The following ATP13A5 variants were observed in gnomAD, a reference collection of about 807,000 sequenced individuals.
ATP13A5 encodes the protein probable cation-transporting ATPase 13A5.
ATP13A5 carries 149 observed loss-of-function variants against 150.2 expected under a neutral mutation model. The ratio of observed to expected loss-of-function variants is 0.99; its 90% CI spans 0.87 to 1.14. The LOEUF is 1.14. Ranked by LOEUF, ATP13A5 falls within the 50% of genes most tolerant of loss-of-function variation. The pLI, the probability that ATP13A5 is intolerant of heterozygous loss-of-function variation, is 0.00. For synonymous variants in ATP13A5, 497 were observed against 522.2 expected (o/e 0.95, Z 0.66); for missense variants, 1,383 against 1,449.3 (o/e 0.95, Z 0.74).
chr3:193,282,923 AT>A (rs140299008), intron 27 of ATP13A5, among the ~76,000 whole-genome samples: 1 of 152,210 alleles, frequency 6.6e-6, no homozygotes, highest in African/African-American at 2.4e-5. Context: ...AAATAAATAC[AT>A]TTTTTAAAAT....
At position 193,314,259 on chromosome 3, in the gene ATP13A5, C is replaced by T. The variant is rs976619696; in HGVS notation, c.2159-66G>A. Reference sequence around the variant, plus strand: ...TCCCCTCAGCAACAAGAACTGAGGTCTCCCTTTTCCACTCTGCTTGGTGTT... The same window carrying T: ...TCCCCTCAGCAACAAGAACTGAGGTTTCCCTTTTCCACTCTGCTTGGTGTT... On this transcript the variant is annotated intron_variant, in intron 18 of 29. Transcript: ENST00000342358. The T allele has an allele frequency of 1.2e-5, 18 of 1,512,320 alleles. No homozygotes were observed. In the African/African-American group the frequency reaches 1.7e-4, roughly 14 times the overall value. 93.7% of individuals were successfully genotyped at this position (1,512,320 alleles called of 1,614,324 possible). A position where few individuals can be genotyped will look rare whatever the true frequency, so the allele number is the denominator to read the frequency against.
rs1718380873 is a variant in ATP13A5, at chr3:193,301,126, A to C, written c.2775+85T>G. ...AATGTCATTTGTTTATAAAACATTA[A>C]ATCTTGTATAGGAGCTACACCCTGA... is the stretch of plus-strand genomic sequence containing the variant. On this transcript the variant is annotated intron_variant, in intron 24 of 29. Coordinates refer to ENST00000342358, the MANE Select transcript of ATP13A5 (RefSeq NM_198505.4). 2.7e-6 allele frequency: 3 copies of C among 1,095,310 alleles called. No individual in the cohort carries two copies. The South Asian group carries it at 4.1e-5, about 15-fold the overall frequency. The allele number at this position is 1,095,310 out of a possible 1,614,324, so 67.8% of individuals were successfully genotyped here. A position where few individuals can be genotyped will look rare whatever the true frequency, so the allele number is the denominator to read the frequency against.
chr3:193,350,964 CTT>C, intron 7 of ATP13A5, 101 bp downstream of exon 7: 3 of 1,374,104 alleles, frequency 2.2e-6, no homozygotes, highest in Non-Finnish European at 3.0e-6. Context: ...TGTTTTATGA[CTT>C]ATGGTTGACA....
At chr3:193,367,104 T>C (rs28869511) in intron 1 of ATP13A5, among the ~76,000 whole-genome samples, 229 of 151,954 alleles carry the variant, frequency 1.5e-3, no homozygotes, top group African/African-American at 5.3e-3. Flanking sequence ...GAGAAAAAGT[T>C]TTGAAATCAA....
chr3:193,352,157 A>T (rs956290783), intron 6 of ATP13A5, among the ~76,000 whole-genome samples: 8 of 152,254 alleles, frequency 5.3e-5, no homozygotes, highest in African/African-American at 1.9e-4. Context: ...ATTCTAATTT[A>T]GTCTTAAAAG....
intron 5 of ATP13A5, among the ~76,000 whole-genome samples, chr3:193,359,816 TGTGGTGGTG>T (rs1338546782): frequency 2.6e-5 from 4 of 151,752 alleles, no homozygotes; most frequent in Non-Finnish European, 5.9e-5. Flanking sequence ...TGTGTGTGTG[TGTGGTGGTG>T]GTGGTGGTGG....
At chr3:193,318,840 A>G (rs1719149988) in intron 17 of ATP13A5, 151 bp downstream of exon 17, 1 of 612,982 alleles carries the variant, frequency 1.6e-6, no homozygotes, top group Non-Finnish European at 2.9e-6. Context: ...ATCACCTACA[A>G]TTATCCATCT....
chr3:193,373,538 A>G (rs564009780), intron 1 of ATP13A5, among the ~76,000 whole-genome samples: 1 of 11,554 alleles, frequency 8.7e-5, no homozygotes, highest in South Asian at 2.6e-3. Flanking sequence ...TTAACCAGAA[A>G]AAAGAGAACA....
intron 5 of ATP13A5, among the ~76,000 whole-genome samples, chr3:193,360,049 T>C (rs893060046): frequency 1.4e-4 from 21 of 152,362 alleles, no homozygotes; most frequent in African/African-American, 4.8e-4. Flanking sequence ...TATTTTTCCC[T>C]TATGGGCTCA....
intron 29 of ATP13A5, 21 bp downstream of exon 29, chr3:193,276,729 A>G: frequency 6.5e-7 from 1 of 1,538,444 alleles, no homozygotes; most frequent in South Asian, 1.2e-5. Flanking sequence ...CTTCCTAGAA[A>G]AAATATAGAG....
rs759236688 is a variant in ATP13A5, at chr3:193,275,128, C to G, written c.3571G>C (p.Gly1191Arg). ...DGKNGFYING[G>R]YESHEQIPKR... ...GGAATCTGTTCATGGCTTTCATAGCCTCCGTTGATGTAGAATCCATTTTTG... is the reference window on the plus strand; with the variant it reads ...GGAATCTGTTCATGGCTTTCATAGCGTCCGTTGATGTAGAATCCATTTTTG... The change falls in exon 30 of 30, where the codon GGC (glycine) becomes CGC (arginine). Residue 1191 changes from glycine to arginine, a missense_variant. Physicochemically the swap from Gly to Arg is moderately radical, Grantham distance 125. Transcript: ENST00000342358. The G allele has an allele frequency of 1.2e-5, 20 of 1,614,082 alleles. No individual in the cohort carries two copies. The highest frequency in any genetic ancestry group is 1.5e-5 in the Non-Finnish European group (18 of 1,180,042).
chr3:193,280,671 C>T (rs937443818), intron 27 of ATP13A5, among the ~76,000 whole-genome samples: 1 of 152,164 alleles, frequency 6.6e-6, no homozygotes, highest in African/African-American at 2.4e-5. Flanking sequence ...CTCACCCACT[C>T]CTCTGTCAGA....
chr3:193,291,376 A>G (rs1560116644), intron 25 of ATP13A5, among the ~76,000 whole-genome samples: 1 of 152,262 alleles, frequency 6.6e-6, no homozygotes, highest in East Asian at 1.9e-4. Context: ...TGTGTAATAA[A>G]GAAGCTGGCT....
chr3:193,276,805 CT>C lies in ATP13A5; in HGVS notation c.3340del (p.Arg1114GlyfsTer3), dbSNP rs756713330. ...MELIPTITSWRVLILVVALTQ... is the reference protein window; with the variant it reads ...MELIPTITSWXVLILVVALTQ... ...GAGGGCTACCACCAAAATTAAAACCCTCCACGATGTTATGGTTGGGATCAAC... is the reference window on the plus strand; with the variant it reads ...GAGGGCTACCACCAAAATTAAAACCCCCACGATGTTATGGTTGGGATCAAC... On this transcript the variant is annotated frameshift_variant, in exon 29 of 30. Transcript: ENST00000342358. LOFTEE classifies it high-confidence loss of function. 1.9e-6 allele frequency: 3 copies of C among 1,613,652 alleles called. No homozygotes were observed. Among genetic ancestry groups the C allele is most frequent in the Non-Finnish European group, 2.5e-6 (3 of 1,179,754 alleles).
chr3:193,310,606 A>T (rs1326563328), intron 21 of ATP13A5, 32 bp downstream of exon 21: 6 of 1,530,052 alleles, frequency 3.9e-6, no homozygotes, highest in South Asian at 1.2e-5. Flanking sequence ...AGAGTTAATG[A>T]GCACACTCTT....
chr3:193,333,879 C>T lies in ATP13A5; in HGVS notation c.1143G>A (p.Val381=), dbSNP rs1711742589. 1 of 1,613,714 alleles carries T rather than the reference C, an allele frequency of 6.2e-7. No individual in the cohort carries two copies. The highest frequency in any genetic ancestry group is 1.1e-5 in the South Asian group (1 of 91,034). Residue 381 remains valine (V), a synonymous_variant, in exon 11 of 30, where the codon GTG becomes GTA. Transcript: ENST00000342358. The stretch of plus-strand genomic sequence containing the variant: ...GAGGCCGGGGGTACAGGATGGATCT[C>T]ACTAAGTCCCCTTTGGCTGTATTGT... The part of the protein sequence containing the change: ...TGYNTAKGDL[V]RSILYPRPLN...
chr3:193,347,483 A>AT (rs142466982), intron 7 of ATP13A5, among the ~76,000 whole-genome samples: 9,780 of 147,896 alleles, frequency 0.066, 1,001 homozygotes, highest in African/African-American at 0.22. Flanking sequence ...TAAAAATAGC[A>AT]TTTTTTTTCT....
At chr3:193,369,380 G>A (rs1560153877) in intron 1 of ATP13A5, among the ~76,000 whole-genome samples, 1 of 152,084 alleles carries the variant, frequency 6.6e-6, no homozygotes, top group Non-Finnish European at 1.5e-5. Context: ...AGGCCAAGAT[G>A]GGAGGATCGT....
chr3:193,357,837 T>C (rs1274440656), intron 5 of ATP13A5, among the ~76,000 whole-genome samples: 2 of 152,236 alleles, frequency 1.3e-5, no homozygotes, highest in African/African-American at 4.8e-5. Context: ...TGGGGAATCA[T>C]TGAGGTTTCC....
Sources: gnomAD v4.1 joint callset for allele counts (sites outside exome capture counted in the v4.1 genomes callset) on GRCh38, gnomAD v4.1.1 for gene constraint, MANE v1.5 for transcripts, NCBI Gene and HGNC (gene_info 2026-07-23, HGNC 2026-07-21) for gene names.